KIF26B: variants seen among roughly 807,000 people sequenced by gnomAD.
KIF26B encodes kinesin family member 26B, also known as kinesin-like protein KIF26B.
In KIF26B, 63 loss-of-function variants were observed where a neutral mutation model predicts 151.2. The ratio of observed to expected loss-of-function variants is 0.42; its 90% confidence interval spans 0.34 to 0.51. KIF26B has a LOEUF of 0.51. Among genes scored for constraint, KIF26B ranks in the 20% least tolerant of loss-of-function variants. The probability of loss-of-function intolerance (pLI) is 0.07; values close to 1 mark genes in which losing one functional copy is unlikely to be tolerated. For synonymous variants in KIF26B, 1,357 were observed against 1,262.1 expected, an observed-to-expected ratio of 1.08 and a Z score of -1.59; for missense variants, 2,813 against 2,913.6, an observed-to-expected ratio of 0.97 and a Z score of 0.79.
intron 2 of KIF26B, among the ~76,000 whole-genome samples, chr1:245,267,634 GCACACACACA>G (rs66498609): frequency 0.2 from 27,309 of 136,056 alleles, 3,312 homozygotes; most frequent in African/African-American, 0.34. Context: ...GCTAAGTAAT[GCACACACACA>G]CACACACACA....
chr1:245,437,118 C>G (rs1295695913), intron 4 of KIF26B, among the ~76,000 whole-genome samples: 1 of 152,106 alleles, frequency 6.6e-6, no homozygotes, highest in African/African-American at 2.4e-5. Flanking sequence ...AACTGATGGC[C>G]TCAAGTGATC....
intron 2 of KIF26B, among the ~76,000 whole-genome samples, chr1:245,188,737 G>A (rs1442930557): frequency 6.6e-6 from 1 of 152,166 alleles, no homozygotes; most frequent in African/African-American, 2.4e-5. Flanking sequence ...ATTGAAAGCA[G>A]GGACTCAAAC....
chr1:245,536,478 A>G (rs939715598), intron 4 of KIF26B, among the ~76,000 whole-genome samples: 1 of 152,216 alleles, frequency 6.6e-6, no homozygotes, highest in South Asian at 2.1e-4. Flanking sequence ...AGCATCTGCT[A>G]TGTTACAAGA....
intron 10 of KIF26B, among the ~76,000 whole-genome samples, chr1:245,651,534 TC>T (rs34285736): frequency 0.2 from 31,049 of 152,036 alleles, 3,692 homozygotes; most frequent in African/African-American, 0.32. Flanking sequence ...GTACTCAAGG[TC>T]TGGGAAGCTG....
At chr1:245,389,994 G>A (rs1372854959) in intron 3 of KIF26B, among the ~76,000 whole-genome samples, 1 of 152,134 alleles carries the variant, frequency 6.6e-6, no homozygotes, top group Non-Finnish European at 1.5e-5. Flanking sequence ...TTATGAGATC[G>A]AAACTATTTT....
Position 245,303,261 on chromosome 1 carries a change from C to T in KIF26B, c.466-63573C>T, listed in dbSNP as rs576441240. 2.2e-3 allele frequency among the ~76,000 whole-genome samples: 315 copies of T among 144,092 alleles called. 3 individuals carry two copies. Among genetic ancestry groups the T allele is most frequent in the African/African-American group, 4.4e-3 (164 of 37,690 alleles). 94.5% of individuals were successfully genotyped at this position (144,092 alleles called of 152,430 possible). On this transcript the variant is annotated intron_variant, in intron 2 of 14. Coordinates refer to ENST00000407071, the MANE Select transcript of KIF26B (RefSeq NM_018012.4). ...TCGCCCAGGCCGGAGTGCAGTGGCGCGATCTCGGCTCACTGCAAGCTCCGC... is the reference window on the plus strand; with the variant it reads ...TCGCCCAGGCCGGAGTGCAGTGGCGTGATCTCGGCTCACTGCAAGCTCCGC...
chr1:245,576,521 CAGG>C (rs2103126209), intron 5 of KIF26B, among the ~76,000 whole-genome samples: 2 of 152,286 alleles, frequency 1.3e-5, no homozygotes, highest in East Asian at 3.9e-4. Context: ...AGCTACACAG[CAGG>C]AGATGATTGT....
chr1:245,445,653 G>A (rs946318179), intron 4 of KIF26B, among the ~76,000 whole-genome samples: 4 of 152,192 alleles, frequency 2.6e-5, no homozygotes, highest in African/African-American at 9.6e-5. Context: ...TAAGCATAGT[G>A]TATACTCACA....
chr1:245,386,393 G>T (rs1193538168), intron 3 of KIF26B, among the ~76,000 whole-genome samples: 1 of 151,362 alleles, frequency 6.6e-6, no homozygotes, highest in Non-Finnish European at 1.5e-5. Flanking sequence ...TACCTTTTGA[G>T]CCCAGTGACT....
chr1:245,475,449 G>T (rs1660013712), intron 4 of KIF26B, among the ~76,000 whole-genome samples: 1 of 151,692 alleles, frequency 6.6e-6, no homozygotes, highest in Non-Finnish European at 1.5e-5. Flanking sequence ...CCTGGTTGGG[G>T]GTCAGAAGGT....
intron 3 of KIF26B, among the ~76,000 whole-genome samples, chr1:245,369,811 A>G (rs1673066436): frequency 6.6e-6 from 1 of 152,100 alleles, no homozygotes; most frequent in Non-Finnish European, 1.5e-5. Flanking sequence ...AAAGAAAAGA[A>G]CTCGTTTTAC....
chr1:245,441,325 C>G (rs1659071689), intron 4 of KIF26B, among the ~76,000 whole-genome samples: 1 of 152,134 alleles, frequency 6.6e-6, no homozygotes, highest in African/African-American at 2.4e-5. Flanking sequence ...TTGTTTAAAA[C>G]AAACAAACAA....
At chr1:245,331,611 A>G (rs972256423) in intron 2 of KIF26B, among the ~76,000 whole-genome samples, 1 of 152,048 alleles carries the variant, frequency 6.6e-6, no homozygotes, top group African/African-American at 2.4e-5. Flanking sequence ...GCTGCTGAGG[A>G]AGGATTTATT....
At chr1:245,679,039 T>C (rs1258540491) in intron 10 of KIF26B, among the ~76,000 whole-genome samples, 1 of 152,066 alleles carries the variant, frequency 6.6e-6, no homozygotes, top group Non-Finnish European at 1.5e-5. Context: ...TGGTTCAGTG[T>C]CTGGGATGAT....
intron 4 of KIF26B, among the ~76,000 whole-genome samples, chr1:245,459,393 CA>C (rs1428170741): frequency 6.6e-6 from 1 of 152,156 alleles, no homozygotes; most frequent in African/African-American, 2.4e-5. Context: ...CTTCTATCCC[CA>C]CCCGATTTTG....
chr1:245,408,020 G>A (rs756796571), intron 3 of KIF26B, among the ~76,000 whole-genome samples: 1 of 152,150 alleles, frequency 6.6e-6, no homozygotes, highest in African/African-American at 2.4e-5. Flanking sequence ...TTGACTATTT[G>A]GGAGTGAGAA....
At chr1:245,427,886 T>C (rs1658685667) in intron 4 of KIF26B, among the ~76,000 whole-genome samples, 1 of 152,128 alleles carries the variant, frequency 6.6e-6, no homozygotes, top group South Asian at 2.1e-4. Flanking sequence ...TGTGGGACAC[T>C]TGTGGTCGGG....
intron 5 of KIF26B, among the ~76,000 whole-genome samples, chr1:245,573,925 T>A (rs2043091252): frequency 6.6e-6 from 1 of 152,180 alleles, no homozygotes; most frequent in African/African-American, 2.4e-5. Context: ...GGGTGAAATT[T>A]CATCACACTA....
At chr1:245,527,747 A>T (rs985870890) in intron 4 of KIF26B, among the ~76,000 whole-genome samples, 1 of 151,412 alleles carries the variant, frequency 6.6e-6, no homozygotes, top group Non-Finnish European at 1.5e-5. Context: ...ATTAGCCAGG[A>T]TGGTCTCGAT....
Sources: gnomAD v4.1 joint callset for allele counts (sites outside exome capture counted in the v4.1 genomes callset) on GRCh38, gnomAD v4.1.1 for gene constraint, MANE v1.5 for transcripts, NCBI Gene and HGNC (gene_info 2026-07-23, HGNC 2026-07-21) for gene names.